Variants in CKAP2 observed in about 807,000 individuals in gnomAD.
CKAP2 encodes cytoskeleton associated protein 2, also known as cytoskeleton-associated protein 2.
CKAP2 carries 46 observed loss-of-function variants against 58.4 expected under a neutral mutation model. The observed-to-expected ratio is 0.79, with a 90% confidence interval of 0.62 to 1.01. The LOEUF (loss-of-function observed/expected upper bound fraction) is 1.01, where lower values mean the gene tolerates loss of function less well. Ranked by LOEUF, CKAP2 falls within the 50% of genes least tolerant of loss-of-function variation. The pLI is 0.00. For synonymous variants in CKAP2, 293 were observed against 280.9 expected (o/e 1.04, Z -0.43); for missense variants, 809 against 796.4 (o/e 1.02, Z -0.19).
In CKAP2 at chr13:52,456,071, G is replaced by T. The variant is rs929316981; in HGVS notation, c.70+445G>T. On this transcript the variant is annotated intron_variant, in intron 1 of 8. Coordinates refer to ENST00000258607, the MANE Select transcript of CKAP2 (RefSeq NM_018204.5). Reference sequence around the variant, plus strand: ...TTTCCAATTTCACAGCTTCTCCTTCGACTTTATGGAAACCGAGGGTTGGTT... The same window carrying T: ...TTTCCAATTTCACAGCTTCTCCTTCTACTTTATGGAAACCGAGGGTTGGTT... The T allele has an allele frequency of 7.8e-6, 8 of 1,022,236 alleles. No individual in the cohort carries two copies. The African/African-American group carries it at 1.2e-4, about 15-fold the overall frequency. The allele number at this position is 1,022,236 out of a possible 1,614,324, so 63.3% of individuals were successfully genotyped here.
intron 6 of CKAP2, among the ~76,000 whole-genome samples, chr13:52,467,745 C>G (rs765073702): frequency 6.6e-6 from 1 of 151,710 alleles, no homozygotes; most frequent in African/African-American, 2.4e-5. Context: ...GAAATTCTAT[C>G]CTTCATTTTT....
At position 52,474,020 on chromosome 13, in the gene CKAP2, A is replaced by G. The variant is rs1469113607; in HGVS notation, c.1738A>G (p.Asn580Asp). 2 of 1,614,012 alleles carry G rather than the reference A, an allele frequency of 1.2e-6. No individual in the cohort carries two copies. Among genetic ancestry groups the G allele is most frequent in the East Asian group, 4.5e-5 (2 of 44,856 alleles). Reference sequence around the variant, plus strand: ...TCCAACCCATGATGTTAAAACCCCCAATACAGAAACGAGGACAAGTTGCTT... The same window carrying G: ...TCCAACCCATGATGTTAAAACCCCCGATACAGAAACGAGGACAAGTTGCTT... Reference protein sequence around the residue: ...KDPTHDVKTPNTETRTSCLIK... With the variant: ...KDPTHDVKTPDTETRTSCLIK... Residue 580 changes from asparagine (N) to aspartate (D), a missense_variant, in exon 8 of 9, where the codon AAT becomes GAT. Physicochemically the swap from Asn to Asp is conservative, Grantham distance 23. Around this residue, in one of 3 missense-constraint regions of CKAP2, gnomAD observed 283 missense variants for 287.6 expected, o/e 0.98. Transcript: ENST00000258607.
intron 1 of CKAP2, chr13:52,455,861 C>T (rs188138833): frequency 0.012 from 10,935 of 907,472 alleles, 205 homozygotes; most frequent in South Asian, 0.02. Context: ...GATGGGCCCT[C>T]CTAAGAAGGA....
chr13:52,471,083 G>A (rs1172950723), intron 7 of CKAP2, among the ~76,000 whole-genome samples: 2 of 151,976 alleles, frequency 1.3e-5, no homozygotes, highest in South Asian at 2.1e-4. Flanking sequence ...TCTTGAACCC[G>A]GGAAGTGGAG....
intron 1 of CKAP2, chr13:52,455,996 T>A: frequency 9.3e-7 from 1 of 1,075,260 alleles, no homozygotes; most frequent in Non-Finnish European, 1.1e-6. Flanking sequence ...GTCCTCCGCC[T>A]CTTAGGTCCC....
chr13:52,469,570 A>G (rs2137865247), intron 7 of CKAP2, among the ~76,000 whole-genome samples: 1 of 151,766 alleles, frequency 6.6e-6, no homozygotes, highest in African/African-American at 2.4e-5. Context: ...CCATTGAATG[A>G]AATAATATTT....
rs1232633108 is a variant in CKAP2, at chr13:52,474,001, C to T, written c.1719C>T (p.Thr573=). The stretch of plus-strand genomic sequence containing the variant: ...AAGACAACAAAACAAAAGATCCAAC[C>T]CATGATGTTAAAACCCCCAATACAG... ...KEQDNKTKDP[T]HDVKTPNTET... is the part of the protein sequence containing the mutation. The change falls in exon 8 of 9, where the codon ACC becomes ACT. Residue 573 remains threonine, a synonymous_variant. Coordinates refer to ENST00000258607, the MANE Select transcript of CKAP2 (RefSeq NM_018204.5). The T allele has an allele frequency of 6.2e-7, 1 of 1,613,966 alleles. No homozygotes were observed. The highest frequency in any genetic ancestry group is 1.1e-5 in the South Asian group (1 of 91,068).
intron 1 of CKAP2, 55 bp from the exon 2 acceptor site, chr13:52,456,468 C>T (rs1958481270): frequency 3.1e-6 from 4 of 1,302,918 alleles, no homozygotes; most frequent in Non-Finnish European, 4.4e-6. Context: ...GATTTATTTG[C>T]CGTTATCGAT....
At chr13:52,463,690 G>A (rs1448835395) in intron 5 of CKAP2, among the ~76,000 whole-genome samples, 4 of 152,182 alleles carry the variant, frequency 2.6e-5, no homozygotes, top group Admixed American at 2.6e-4. Context: ...AAGCAGTTGA[G>A]GGACCAGGAA....
At chr13:52,467,602 G>A (rs943671496) in intron 6 of CKAP2, among the ~76,000 whole-genome samples, 7 of 152,042 alleles carry the variant, frequency 4.6e-5, no homozygotes, top group East Asian at 1.9e-4. Flanking sequence ...CCAGCTACTC[G>A]AGAGGCTGAG....
chr13:52,474,785 C>T, intron 8 of CKAP2, 110 bp from the exon 9 acceptor site: 2 of 1,076,662 alleles, frequency 1.9e-6, no homozygotes, highest in Admixed American at 2.8e-5. Flanking sequence ...CAATTAAATG[C>T]TTTTACCTGC....
In CKAP2 at chr13:52,476,134, T is replaced by A. The variant is rs1400478213; in HGVS notation, c.*993T>A. ...GTTGTTTTGTAAGGTTCCAAACTAA[T>A]ATGGCATATATCAACTCTACAGTTT... On this transcript the variant is annotated 3_prime_UTR_variant, in exon 9 of 9. Transcript: ENST00000258607. The A allele has an allele frequency of 6.6e-6, 1 of 152,244 alleles. No homozygotes were observed. Among genetic ancestry groups the A allele is most frequent in the East Asian group, 1.9e-4 (1 of 5,202 alleles). The allele number at this position is 152,244 out of a possible 1,614,324, so 9.4% of individuals were successfully genotyped here.
Position 52,456,505 on chromosome 13 carries a change from C to T in CKAP2, c.71-18C>T. On this transcript the variant is annotated intron_variant, in intron 1 of 8. Coordinates refer to ENST00000258607, the MANE Select transcript of CKAP2 (RefSeq NM_018204.5). ...TTTTAACTAATATTGACTTGTAGCTCTTACCTTTGTTATCTAGAGCAAAGA... is the reference window on the plus strand; with the variant it reads ...TTTTAACTAATATTGACTTGTAGCTTTTACCTTTGTTATCTAGAGCAAAGA... The T allele has an allele frequency of 6.3e-7, 1 of 1,579,716 alleles. No individual in the cohort carries two copies. The highest frequency in any genetic ancestry group is 8.7e-7 in the Non-Finnish European group (1 of 1,154,026).
At chr13:52,468,433 T>G (rs1241105448) in intron 7 of CKAP2, 86 bp downstream of exon 7, 1 of 771,732 alleles carries the variant, frequency 1.3e-6, no homozygotes, top group African/African-American at 1.8e-5. Flanking sequence ...AGATCAGGAG[T>G]ACGTGTGCAG....
chr13:52,470,380 C>G (rs893903963), intron 7 of CKAP2, among the ~76,000 whole-genome samples: 3 of 152,144 alleles, frequency 2.0e-5, no homozygotes, highest in African/African-American at 4.8e-5. Context: ...GCTGGGATGA[C>G]AGGTGTGAGC....
Position 52,461,728 on chromosome 13 carries a change from C to G in CKAP2, c.902C>G (p.Thr301Ser). 1 of 1,613,700 alleles carries G rather than the reference C, an allele frequency of 6.2e-7. No individual in the cohort carries two copies. The highest frequency in any genetic ancestry group is 8.5e-7 in the Non-Finnish European group (1 of 1,179,740). Residue 301 changes from threonine to serine, a missense_variant, in exon 4 of 9, where the codon ACC becomes AGC. By Grantham distance (58) the Thr-to-Ser change is moderately conservative. This residue lies in a region of CKAP2 where 523 missense variants were observed against 492.4 expected (regional missense o/e 1.06). Transcript: ENST00000258607. The part of the protein sequence containing the change: ...QSKTALSSVK[T>S]SSSQGIIRNK... ...AAAACAGCTTTATCTAGTGTCAAAA[C>G]CAGTTCTTCTCAAGGTATAATAAGA...
At chr13:52,456,810 T>C (rs1332012985) in intron 2 of CKAP2, among the ~76,000 whole-genome samples, 1 of 152,236 alleles carries the variant, frequency 6.6e-6, no homozygotes, top group African/African-American at 2.4e-5. Flanking sequence ...CATTTCCATT[T>C]GGTCTATCCA....
intron 6 of CKAP2, among the ~76,000 whole-genome samples, chr13:52,466,348 C>A (rs1031481296): frequency 6.6e-6 from 1 of 152,130 alleles, no homozygotes; most frequent in Non-Finnish European, 1.5e-5. Flanking sequence ...TTAAAACTCC[C>A]TTTTAAGAAA....
intron 5 of CKAP2, among the ~76,000 whole-genome samples, chr13:52,463,765 C>T (rs1463376769): frequency 1.3e-5 from 2 of 152,180 alleles, no homozygotes; most frequent in Non-Finnish European, 1.5e-5. Flanking sequence ...ACTTCAGAGT[C>T]ATCTGCCTCA....
Sources: gnomAD v4.1 joint callset for allele counts (sites outside exome capture counted in the v4.1 genomes callset) on GRCh38, gnomAD v4.1.1 for gene constraint, gnomAD v4.1.1 regional missense constraint, MANE v1.5 for transcripts, NCBI Gene and HGNC (gene_info 2026-07-23, HGNC 2026-07-21) for gene names.